The following NPSR1 variants were observed in gnomAD, a reference collection of about 807,000 sequenced individuals.
NPSR1 encodes the protein neuropeptide S receptor.
Under a neutral mutation model 46.9 loss-of-function variants are expected in NPSR1, and 48 were observed. That is an observed-to-expected ratio of 1.02 (90% CI 0.81 to 1.30). The LOEUF is 1.30. Ranked by LOEUF, NPSR1 falls within the 50% of genes most tolerant of loss-of-function variation. NPSR1 has a pLI of 0.00. For missense variants in NPSR1, 450 were observed against 449.5 expected, an observed-to-expected ratio of 1.00 and a Z score of -0.01; for synonymous variants, 176 against 168.1, an observed-to-expected ratio of 1.05 and a Z score of -0.36.
chr7:34,775,070 T>C (rs1227022824), intron 2 of NPSR1, among the ~76,000 whole-genome samples: 1 of 152,186 alleles, frequency 6.6e-6, no homozygotes, highest in Admixed American at 6.5e-5. Flanking sequence ...GGTTTGTCTC[T>C]CACCCTCCAG....
intron 3 of NPSR1, among the ~76,000 whole-genome samples, chr7:34,802,172 A>G (rs1488509834): frequency 1.3e-5 from 2 of 150,444 alleles, no homozygotes; most frequent in Admixed American, 1.3e-4. Context: ...TGCCATCCCC[A>G]TCAAGCTACA....
At chr7:34,773,594 C>A (rs769951134) in intron 2 of NPSR1, among the ~76,000 whole-genome samples, 10 of 152,178 alleles carry the variant, frequency 6.6e-5, no homozygotes, top group Non-Finnish European at 1.2e-4. Context: ...TGCCACAAAT[C>A]AACCAGTCGA....
chr7:34,793,142 C>T (rs1788016297), intron 3 of NPSR1, among the ~76,000 whole-genome samples: 1 of 151,984 alleles, frequency 6.6e-6, no homozygotes, highest in Non-Finnish European at 1.5e-5. Context: ...GCCTGGGCAA[C>T]ATAGTGAGAC....
At chr7:34,819,070 G>A (rs1029583682) in intron 4 of NPSR1, among the ~76,000 whole-genome samples, 1 of 152,054 alleles carries the variant, frequency 6.6e-6, no homozygotes, top group Non-Finnish European at 1.5e-5. Context: ...TTGACAAATG[G>A]GATCTAATTA....
intron 1 of NPSR1, among the ~76,000 whole-genome samples, chr7:34,665,790 ACATACACACACACACACG>A (rs1277546175): frequency 2.6e-5 from 4 of 152,080 alleles, no homozygotes; most frequent in African/African-American, 7.2e-5. Context: ...ATGTTCACCT[ACATACACACACACACACG>A]CATACACACA....
intron 8 of NPSR1, among the ~76,000 whole-genome samples, chr7:34,855,951 T>A (rs888603681): frequency 1.3e-5 from 2 of 152,130 alleles, no homozygotes; most frequent in Non-Finnish European, 2.9e-5. Context: ...TTGATAAAAA[T>A]TTTTGAGCTC....
Position 34,876,765 on chromosome 7 carries a change from G to T in NPSR1, c.1026-1311G>T, listed in dbSNP as rs1791584905. 2.0e-5 allele frequency among the ~76,000 whole-genome samples: 3 copies of T among 152,294 alleles called. No homozygotes were observed. The South Asian group carries it at 6.2e-4, about 32-fold the overall frequency. Reference sequence around the variant, plus strand: ...ATCTCTTGAGTCATGACCTCTATGGGACCACTTTCCTACTCAGCCTCTGTC... The same window carrying T: ...ATCTCTTGAGTCATGACCTCTATGGTACCACTTTCCTACTCAGCCTCTGTC... On this transcript the variant is annotated intron_variant, in intron 8 of 8. Coordinates refer to the NPSR1 transcript ENST00000359791.
At chr7:34,784,815 T>C (rs1787387247) in intron 3 of NPSR1, among the ~76,000 whole-genome samples, 1 of 151,964 alleles carries the variant, frequency 6.6e-6, no homozygotes, top group African/African-American at 2.4e-5. Flanking sequence ...GAAATGCAAA[T>C]CAAAACCACA....
chr7:34,688,251 C>G (rs10256284), intron 2 of NPSR1, among the ~76,000 whole-genome samples: 2,166 of 152,252 alleles, frequency 0.014, 47 homozygotes, highest in African/African-American at 0.05. Context: ...ATCAAATTAA[C>G]TATAATTTTC....
chr7:34,714,883 A>C (rs1783487193), intron 2 of NPSR1, among the ~76,000 whole-genome samples: 1 of 152,244 alleles, frequency 6.6e-6, no homozygotes, highest in Non-Finnish European at 1.5e-5. Flanking sequence ...AAGCATATCT[A>C]TAAGAAATTG....
At chr7:34,692,571 T>C (rs545239595) in intron 2 of NPSR1, among the ~76,000 whole-genome samples, 2 of 152,268 alleles carry the variant, frequency 1.3e-5, no homozygotes, top group African/African-American at 4.8e-5. Context: ...GAAAAGTTTA[T>C]AGAATTCAAT....
rs6956463 is a variant in NPSR1, at chr7:34,668,509, C to T, written c.147+9950C>T. The stretch of plus-strand genomic sequence containing the variant: ...TAATGAATGCAATTCTATCAGGCCA[C>T]TCAGTCTTTTCTATTGATCATTTCA... On this transcript the variant is annotated intron_variant, in intron 1 of 8. Coordinates refer to ENST00000360581, the MANE Select transcript of NPSR1 (RefSeq NM_207172.2). Among the ~76,000 whole-genome samples, 693 of 152,326 alleles carry T rather than the reference C, an allele frequency of 4.5e-3. 4 individuals are homozygous for T. The highest frequency in any genetic ancestry group is 0.016 in the African/African-American group (656 of 41,576).
chr7:34,733,634 T>G (rs1017073004), intron 2 of NPSR1, among the ~76,000 whole-genome samples: 4 of 152,178 alleles, frequency 2.6e-5, no homozygotes, highest in African/African-American at 9.7e-5. Context: ...ATAATTAACA[T>G]CATTCATCAC....
intron 3 of NPSR1, among the ~76,000 whole-genome samples, chr7:34,792,319 G>C (rs1787916766): frequency 6.6e-6 from 1 of 151,780 alleles, no homozygotes; most frequent in Non-Finnish European, 1.5e-5. Context: ...CCATACATAT[G>C]ATAAAGGGTT....
chr7:34,840,762 C>A (rs1264049574), intron 6 of NPSR1, among the ~76,000 whole-genome samples: 2 of 152,176 alleles, frequency 1.3e-5, no homozygotes, highest in Non-Finnish European at 2.9e-5. Flanking sequence ...CCTGGGGCAG[C>A]CCAGGGCAGC....
intron 2 of NPSR1, chr7:34,719,912 T>G (rs571364542): frequency 6.6e-6 from 1 of 151,624 alleles, no homozygotes; most frequent in South Asian, 2.1e-4. Flanking sequence ...GTAAGGCAGA[T>G]GGAGCTGCAT....
intron 3 of NPSR1, among the ~76,000 whole-genome samples, chr7:34,785,956 G>T (rs1787448327): frequency 6.6e-6 from 1 of 152,114 alleles, no homozygotes; most frequent in Admixed American, 6.6e-5. Flanking sequence ...GTCTTGCTTT[G>T]ATGTTGATGA....
chr7:34,715,440 G>T (rs966530571), intron 2 of NPSR1, among the ~76,000 whole-genome samples: 4 of 152,208 alleles, frequency 2.6e-5, no homozygotes, highest in Non-Finnish European at 4.4e-5. Context: ...TTGTCAGTCA[G>T]CCCTACAGAA....
At chr7:34,810,919 A>T (rs1464020601) in intron 3 of NPSR1, among the ~76,000 whole-genome samples, 1 of 152,166 alleles carries the variant, frequency 6.6e-6, no homozygotes, top group Admixed American at 6.5e-5. Flanking sequence ...ATCACAGGAC[A>T]TGGGACAGGG....
Sources: gnomAD v4.1 joint callset for allele counts (sites outside exome capture counted in the v4.1 genomes callset) on GRCh38, gnomAD v4.1.1 for gene constraint, MANE v1.5 for transcripts, NCBI Gene and HGNC (gene_info 2026-07-23, HGNC 2026-07-21) for gene names.